The following ZC3H14 variants were observed in gnomAD, a reference collection of about 807,000 sequenced individuals.
ZC3H14 encodes zinc finger CCCH-type containing 14, also known as zinc finger CCCH domain-containing protein 14.
In ZC3H14, 31 loss-of-function variants were observed where a neutral mutation model predicts 92.4. The ratio of observed to expected loss-of-function variants is 0.34; its 90% confidence interval spans 0.25 to 0.45. The LOEUF (loss-of-function observed/expected upper bound fraction) is 0.45, where lower values mean the gene tolerates loss of function less well. Ranked by LOEUF, ZC3H14 falls within the 20% of genes least tolerant of loss-of-function variation. ZC3H14 has a pLI of 1.00. For missense variants in ZC3H14, 781 were observed against 897.3 expected (o/e 0.87, Z 1.66); for synonymous variants, 321 against 300.9 (o/e 1.07, Z -0.69).
At chr14:88,579,945 C>G (rs1175976164) in intron 9 of ZC3H14, among the ~76,000 whole-genome samples, 2 of 152,236 alleles carry the variant, frequency 1.3e-5, no homozygotes, top group Non-Finnish European at 2.9e-5. Flanking sequence ...GGTGCAGTGG[C>G]TCATGCCTGT....
At position 88,622,882 on chromosome 14, in the gene ZC3H14, T is replaced by C; in HGVS notation, c.*11131T>C. 3 of 491,704 alleles carry C rather than the reference T, an allele frequency of 6.1e-6. No individual in the cohort carries two copies. Among genetic ancestry groups the C allele is most frequent in the Non-Finnish European group, 1.1e-5 (3 of 280,662 alleles). The allele number at this position is 491,704 out of a possible 1,614,324, so 30.5% of individuals were successfully genotyped here. ...TAAACTTTCTATGGCAATTTGAGGA[T>C]ATACTATATCTCAGTCAAAATAAAC... On this transcript the variant is annotated 3_prime_UTR_variant, in exon 17 of 17. Coordinates refer to ENST00000251038, the MANE Select transcript of ZC3H14 (RefSeq NM_024824.5).
intron 9 of ZC3H14, chr14:88,592,204 C>G (rs931156738): frequency 2.6e-5 from 4 of 151,910 alleles, no homozygotes; most frequent in African/African-American, 9.7e-5. Context: ...TATCTGTCCT[C>G]TAGTGAACCA....
chr14:88,597,299 A>G (rs1486567645), intron 10 of ZC3H14, among the ~76,000 whole-genome samples: 3 of 152,176 alleles, frequency 2.0e-5, no homozygotes, highest in African/African-American at 7.2e-5. Context: ...CACACATGCC[A>G]GGGGCTACTC....
chr14:88,592,174 C>CT (rs992224298), intron 9 of ZC3H14: 3 of 104,938 alleles, frequency 2.9e-5, no homozygotes, highest in East Asian at 4.4e-4. Context: ...CTCTTTCCTG[C>CT]TTTTTTCCTT....
At chr14:88,602,765 T>C in intron 11 of ZC3H14, 63 bp from the exon 12 acceptor site, 6 of 1,551,430 alleles carry the variant, frequency 3.9e-6, no homozygotes, top group South Asian at 1.2e-5. Flanking sequence ...AAGAGCACTT[T>C]AGGGGGCTCA....
chr14:88,579,273 C>T (rs2081584483), intron 9 of ZC3H14, among the ~76,000 whole-genome samples: 1 of 151,952 alleles, frequency 6.6e-6, no homozygotes, highest in African/African-American at 2.4e-5. Flanking sequence ...CTGTATTGTT[C>T]AGTTTGCCAT....
intron 1 of ZC3H14, 161 bp from the exon 2 acceptor site, chr14:88,563,490 G>A (rs1039985530): frequency 6.6e-6 from 10 of 1,522,354 alleles, no homozygotes; most frequent in African/African-American, 2.8e-5. Context: ...GAGCTGGAGT[G>A]GGGTGCGGGG....
intron 8 of ZC3H14, 71 bp downstream of exon 8, chr14:88,576,011 G>T: frequency 7.5e-7 from 1 of 1,325,540 alleles, no homozygotes; most frequent in Non-Finnish European, 1.1e-6. Context: ...GAAAATGATT[G>T]CTCCTTAAAT....
chr14:88,595,061 C>T, intron 9 of ZC3H14: 1 of 1,613,260 alleles, frequency 6.2e-7, no homozygotes, highest in Non-Finnish European at 8.5e-7. Context: ...GAATCACAGT[C>T]AAGAACTACT....
chr14:88,605,708 C>G (rs2085289906), intron 12 of ZC3H14, among the ~76,000 whole-genome samples: 2 of 152,158 alleles, frequency 1.3e-5, no homozygotes, highest in African/African-American at 4.8e-5. Flanking sequence ...GTCATAATTG[C>G]TCTTTGATGC....
intron 6 of ZC3H14, chr14:88,573,559 G>A (rs144437789): frequency 0.01 from 1,580 of 151,908 alleles, 14 homozygotes; most frequent in Non-Finnish European, 0.015. Context: ...TCAGCCTCCC[G>A]AGTAGCTGGT....
intron 13 of ZC3H14, 161 bp from the exon 14 acceptor site, chr14:88,609,106 A>G (rs1595114017): frequency 1.2e-6 from 1 of 848,460 alleles, no homozygotes; most frequent in East Asian, 2.7e-5. Context: ...ATTGTGTCCT[A>G]TTTTGATATA....
chr14:88,574,894 G>A, intron 7 of ZC3H14, 41 bp downstream of exon 7: 1 of 1,613,380 alleles, frequency 6.2e-7, no homozygotes, highest in Middle Eastern at 1.7e-4. Flanking sequence ...TAACTGCCTT[G>A]GTGGAGTCTT....
In ZC3H14 at chr14:88,572,790, A is replaced by G; in HGVS notation, c.644A>G (p.Tyr215Cys). Reference sequence around the variant, plus strand: ...TCTTCTCGCCCTTCTATTGAAATTTATCGACCACCTGCAAGTAGAAATGCA... The same window carrying G: ...TCTTCTCGCCCTTCTATTGAAATTTGTCGACCACCTGCAAGTAGAAATGCA... ...YGSSRPSIEI[Y>C]RPPASRNADS... Residue 215 changes from tyrosine (Y) to cysteine (C), a missense_variant, in exon 6 of 17, where the codon TAT becomes TGT. By Grantham distance (194) the Tyr-to-Cys change is radical. Around this residue, in one of 3 missense-constraint regions of ZC3H14, gnomAD observed 454 missense variants for 438.5 expected, o/e 1.04. Coordinates refer to ENST00000251038, the MANE Select transcript of ZC3H14 (RefSeq NM_024824.5). 6.2e-7 allele frequency: 1 copy of G among 1,614,214 alleles called. No individual in the cohort carries two copies.
intron 2 of ZC3H14, among the ~76,000 whole-genome samples, chr14:88,564,751 G>C (rs2079350848): frequency 6.6e-6 from 1 of 152,092 alleles, no homozygotes; most frequent in Admixed American, 6.5e-5. Flanking sequence ...ATGAAGATGT[G>C]AAGTCCAGGG....
Position 88,624,772 on chromosome 14 carries a change from T to C in ZC3H14, c.*13021T>C, listed in dbSNP as rs898145489. ...CCTCAGAAAAAGTATCACCCCAACA[T>C]GAAAAAAATTGGAAGTGAATTAAGA... On this transcript the variant is annotated 3_prime_UTR_variant, in exon 17 of 17. Coordinates refer to ENST00000251038, the MANE Select transcript of ZC3H14 (RefSeq NM_024824.5). 1.8e-5 allele frequency: 11 copies of C among 598,712 alleles called. No individual in the cohort carries two copies. Among genetic ancestry groups the C allele is most frequent in the Non-Finnish European group, 3.1e-5 (11 of 359,250 alleles). 37.1% of individuals were successfully genotyped at this position (598,712 alleles called of 1,614,324 possible).
At chr14:88,601,107 T>C (rs1743500058) in intron 10 of ZC3H14, among the ~76,000 whole-genome samples, 1 of 152,172 alleles carries the variant, frequency 6.6e-6, no homozygotes, top group African/African-American at 2.4e-5. Flanking sequence ...CACATCCCTT[T>C]TGGGTCATGC....
In ZC3H14 at chr14:88,577,997, A is replaced by G; in HGVS notation, c.1136A>G (p.Gln379Arg). Reference sequence around the variant, plus strand: ...TTTTATGTGAAAGTTCCACAGAAACAGACACTTCCAGTTGCTCCCAGAACT... The same window carrying G: ...TTTTATGTGAAAGTTCCACAGAAACGGACACTTCCAGTTGCTCCCAGAACT... The part of the protein sequence containing the change: ...TTNYSTVPQK[Q>R]TLPVAPRTRT... The change falls in exon 9 of 17, where the codon CAG becomes CGG. Residue 379 changes from glutamine (Q) to arginine (R), a missense_variant. By Grantham distance (43) the Gln-to-Arg change is conservative. Coordinates refer to ENST00000251038, the MANE Select transcript of ZC3H14 (RefSeq NM_024824.5). The G allele has an allele frequency of 6.2e-7, 1 of 1,614,216 alleles. No individual in the cohort carries two copies. The highest frequency in any genetic ancestry group is 1.3e-5 in the African/African-American group (1 of 75,054).
chr14:88,621,821 C>T lies in ZC3H14; in HGVS notation c.*10070C>T. 1 of 452,808 alleles carries T rather than the reference C, an allele frequency of 2.2e-6. No individual in the cohort carries two copies. Among genetic ancestry groups the T allele is most frequent in the Non-Finnish European group, 4.4e-6 (1 of 225,308 alleles). 28.0% of individuals were successfully genotyped at this position (452,808 alleles called of 1,614,324 possible). A position where few individuals can be genotyped will look rare whatever the true frequency, so the allele number is the denominator to read the frequency against. On this transcript the variant is annotated 3_prime_UTR_variant, in exon 17 of 17. Transcript: ENST00000251038. ...CACATAATTATACATATCTATAGGGCATAGGGTAATACGCATAACCATCAC... is the reference window on the plus strand; with the variant it reads ...CACATAATTATACATATCTATAGGGTATAGGGTAATACGCATAACCATCAC...
Sources: gnomAD v4.1 joint callset for allele counts (sites outside exome capture counted in the v4.1 genomes callset) on GRCh38, gnomAD v4.1.1 for gene constraint, gnomAD v4.1.1 regional missense constraint, MANE v1.5 for transcripts, NCBI Gene and HGNC (gene_info 2026-07-23, HGNC 2026-07-21) for gene names.